Variants in SMIM8 observed in about 807,000 individuals in gnomAD.
SMIM8 encodes the protein small integral membrane protein 8, also known as UPF0708 protein C6orf162.
In SMIM8, 8 loss-of-function variants were observed where a neutral mutation model predicts 8.1. The observed-to-expected ratio is 0.99, with a 90% CI of 0.58 to 1.78. The LOEUF (loss-of-function observed/expected upper bound fraction) is 1.78, where lower values mean the gene tolerates loss of function less well. Ranked by LOEUF, SMIM8 falls within the 40% of genes most tolerant of loss-of-function variation. SMIM8 has a pLI of 0.00. For missense variants in SMIM8, 126 were observed against 119.8 expected (o/e 1.05, Z -0.24); for synonymous variants, 45 against 39.7 (o/e 1.13, Z -0.50).
rs143232658 is a variant in SMIM8 at position 87,326,204 on chromosome 6, G to T, written c.-45+3572G>T. ...AGCGGTCTATCAATTTTGTTGATCC[G>T]TTCAAAAAACCAGCTCCTGGATTCA... On this transcript the variant is annotated intron_variant, in intron 1 of 3. Transcript: ENST00000392863. Among the ~76,000 whole-genome samples, 1,301 of 152,028 alleles carry T rather than the reference G, an allele frequency of 8.6e-3. 17 individuals carry two copies. The highest frequency in any genetic ancestry group is 0.028 in the African/African-American group (1,170 of 41,476).
In SMIM8 at chr6:87,322,629, A is replaced by T. The variant is rs1430172306; in HGVS notation, c.-48A>T. On this transcript the variant is annotated 5_prime_UTR_variant, in exon 1 of 4. Transcript: ENST00000392863. ...GGCGAGGAGAGGAGGTGACCCCGCGAAAGGTAAGCGGCGGCTTCGGTGGTG... is the reference window on the plus strand; with the variant it reads ...GGCGAGGAGAGGAGGTGACCCCGCGTAAGGTAAGCGGCGGCTTCGGTGGTG... The T allele has an allele frequency of 2.0e-5, 3 of 152,232 alleles. No individual in the cohort carries two copies. Among genetic ancestry groups the T allele is most frequent in the African/African-American group, 7.2e-5 (3 of 41,408 alleles). The allele number at this position is 152,232 out of a possible 1,614,324, so 9.4% of individuals were successfully genotyped here.
intron 3 of SMIM8, among the ~76,000 whole-genome samples, chr6:87,337,617 T>A (rs1483995224): frequency 6.6e-6 from 1 of 152,156 alleles, no homozygotes; most frequent in Non-Finnish European, 1.5e-5. Context: ...TTGTGAAAAA[T>A]TCCAAAACAT....
chr6:87,327,011 C>A (rs1732222484), intron 1 of SMIM8, among the ~76,000 whole-genome samples: 1 of 135,762 alleles, frequency 7.4e-6, no homozygotes, highest in Middle Eastern at 3.4e-3. Flanking sequence ...GATCCCTTTA[C>A]CATTATGTAA....
intron 1 of SMIM8, among the ~76,000 whole-genome samples, chr6:87,325,083 A>G (rs1375720189): frequency 6.6e-6 from 1 of 152,128 alleles, no homozygotes; most frequent in Admixed American, 6.5e-5. Context: ...TTGCTGGTGT[A>G]TAAGAATGCT....
At chr6:87,323,362 G>A (rs933892231) in intron 1 of SMIM8, among the ~76,000 whole-genome samples, 11 of 152,050 alleles carry the variant, frequency 7.2e-5, no homozygotes, top group African/African-American at 2.4e-4. Flanking sequence ...CCATGCTGGT[G>A]CGATGCACCC....
At chr6:87,330,377 T>C (rs1776965699) in intron 1 of SMIM8, among the ~76,000 whole-genome samples, 1 of 152,254 alleles carries the variant, frequency 6.6e-6, no homozygotes, top group African/African-American at 2.4e-5. Context: ...GAAGATTAAG[T>C]GTTTCCCTCA....
At chr6:87,332,312 TC>T (rs1278662328) in intron 2 of SMIM8, among the ~76,000 whole-genome samples, 1,191 of 112,750 alleles carry the variant, frequency 0.011, 11 homozygotes, top group African/African-American at 0.025. Flanking sequence ...CCTCCTCTCC[TC>T]CCCCCCCATA....
At chr6:87,330,129 T>G (rs2127920453) in intron 1 of SMIM8, among the ~76,000 whole-genome samples, 1 of 152,312 alleles carries the variant, frequency 6.6e-6, no homozygotes, top group Admixed American at 6.5e-5. Context: ...TTAAATTATT[T>G]TTAAGGTTTT....
intron 1 of SMIM8, among the ~76,000 whole-genome samples, chr6:87,324,687 T>C (rs1197669947): frequency 6.6e-6 from 1 of 151,654 alleles, no homozygotes; most frequent in Non-Finnish European, 1.5e-5. Flanking sequence ...GTAGTATACT[T>C]TGAAGTCAGG....
chr6:87,326,561 A>G (rs1341732001), intron 1 of SMIM8, among the ~76,000 whole-genome samples: 2 of 150,046 alleles, frequency 1.3e-5, no homozygotes, highest in East Asian at 1.9e-4. Flanking sequence ...TTCAGTTTCC[A>G]TGTAGTTGAG....
chr6:87,329,133 C>T (rs1776927231), intron 1 of SMIM8: 1 of 154,778 alleles, frequency 6.5e-6, no homozygotes, highest in African/African-American at 2.4e-5. Context: ...CGCGCACCCA[C>T]TTACCTGCGC....
intron 1 of SMIM8, among the ~76,000 whole-genome samples, chr6:87,329,715 A>G (rs920902337): frequency 6.6e-6 from 1 of 152,200 alleles, no homozygotes; most frequent in East Asian, 1.9e-4. Context: ...AAGGCCTTTT[A>G]TCAATTCAAG....
intron 1 of SMIM8, among the ~76,000 whole-genome samples, chr6:87,324,047 T>C (rs1241416786): frequency 1.3e-5 from 2 of 150,334 alleles, no homozygotes; most frequent in Non-Finnish European, 3.0e-5. Context: ...TTTTTTCATG[T>C]GTGTTTTGGC....
chr6:87,330,155 A>G (rs1224655618), intron 1 of SMIM8, among the ~76,000 whole-genome samples: 1 of 152,168 alleles, frequency 6.6e-6, no homozygotes, highest in African/African-American at 2.4e-5. Context: ...CCAAAGTTCA[A>G]GTTAGTTTCT....
chr6:87,334,971 A>G (rs576107745), intron 2 of SMIM8, among the ~76,000 whole-genome samples: 1 of 152,340 alleles, frequency 6.6e-6, no homozygotes, highest in Non-Finnish European at 1.5e-5. Context: ...ATTGAACTAC[A>G]CAGCCATTCT....
At chr6:87,333,601 T>C (rs1777039768) in intron 2 of SMIM8, among the ~76,000 whole-genome samples, 1 of 152,226 alleles carries the variant, frequency 6.6e-6, no homozygotes, top group Admixed American at 6.5e-5. Context: ...AGCAGTAGAT[T>C]GCTGCCACAA....
Position 87,341,443 on chromosome 6 carries a change from A to G in SMIM8, c.*1169A>G, listed in dbSNP as rs1187426491. The G allele has an allele frequency of 1.8e-5, 7 of 395,370 alleles. No homozygotes were observed. Among genetic ancestry groups the G allele is most frequent in the Non-Finnish European group, 3.1e-5 (7 of 224,486 alleles). The allele number at this position is 395,370 out of a possible 1,614,324, so 24.5% of individuals were successfully genotyped here. A position where few individuals can be genotyped will look rare whatever the true frequency, so the allele number is the denominator to read the frequency against. ...CCTGTGTCTGGCCAGATTCTGCCTTATAGAATTCAAATCTTTCTTACAAGG... is the reference window on the plus strand; with the variant it reads ...CCTGTGTCTGGCCAGATTCTGCCTTGTAGAATTCAAATCTTTCTTACAAGG... On this transcript the variant is annotated 3_prime_UTR_variant, in exon 4 of 4. Transcript: ENST00000392863.
chr6:87,328,699 C>G (rs550229039), intron 1 of SMIM8, among the ~76,000 whole-genome samples: 1 of 152,338 alleles, frequency 6.6e-6, no homozygotes, highest in Non-Finnish European at 1.5e-5. Context: ...ATACTGCTGT[C>G]TTTTTGTTTG....
At chr6:87,325,012 A>G (rs899067164) in intron 1 of SMIM8, among the ~76,000 whole-genome samples, 1 of 151,686 alleles carries the variant, frequency 6.6e-6, no homozygotes, top group East Asian at 1.9e-4. Flanking sequence ...ATTCCTAGGT[A>G]TTTTATTCTC....
Sources: allele counts gnomAD v4.1 joint callset (sites outside exome capture counted in the v4.1 genomes callset), GRCh38; gene constraint gnomAD v4.1.1; transcripts MANE v1.5; gene names NCBI Gene and HGNC (gene_info 2026-07-23, HGNC 2026-07-21).